The following COL6A6 variants were observed in gnomAD, a reference collection of about 807,000 sequenced individuals.
The protein encoded by COL6A6 is collagen alpha-6(VI) chain.
COL6A6 carries 183 observed loss-of-function variants against 208.6 expected under a neutral mutation model. That is an observed-to-expected ratio of 0.88 (90% CI 0.78 to 0.99). COL6A6 has a LOEUF of 0.99. Among genes scored for constraint, COL6A6 ranks in the 50% least tolerant of loss-of-function variants. The pLI, the probability that COL6A6 is intolerant of heterozygous loss-of-function variation, is 0.00. For synonymous variants in COL6A6, 973 were observed against 1,011.8 expected, an observed-to-expected ratio of 0.96 and a Z score of 0.73; for missense variants, 2,816 against 2,815.2, an observed-to-expected ratio of 1.00 and a Z score of -0.01.
Position 130,598,443 on chromosome 3 carries a change from G to T in COL6A6, c.4599+13G>T, listed in dbSNP as rs72994346. The T allele has an allele frequency of 5.9e-6, 9 of 1,536,760 alleles. No homozygotes were observed. Among genetic ancestry groups the T allele is most frequent in the Non-Finnish European group, 7.9e-6 (9 of 1,133,850 alleles). On this transcript the variant is annotated intron_variant, in intron 19 of 36. Coordinates refer to ENST00000358511, the MANE Select transcript of COL6A6 (RefSeq NM_001102608.3). ...ACGTGGAAGACAAGTAATTACGTGG[G>T]CTTGTAAAATCGTGATGCAACAACT...
chr3:130,600,680 CAG>C (rs1288096107), intron 20 of COL6A6, among the ~76,000 whole-genome samples: 4 of 151,984 alleles, frequency 2.6e-5, no homozygotes, highest in African/African-American at 4.8e-5. Context: ...CACATGGACA[CAG>C]GGGAACAACA....
intron 17 of COL6A6, among the ~76,000 whole-genome samples, chr3:130,593,831 G>A (rs1240434366): frequency 1.3e-5 from 2 of 152,112 alleles, no homozygotes; most frequent in African/African-American, 4.8e-5. Context: ...GTGGTGCCAG[G>A]CAGCACATTG....
intron 8 of COL6A6, among the ~76,000 whole-genome samples, chr3:130,580,818 C>T (rs2063400313): frequency 6.6e-6 from 1 of 152,172 alleles, no homozygotes; most frequent in African/African-American, 2.4e-5. Flanking sequence ...GAGCAAAGCA[C>T]TTTAATGCAA....
intron 28 of COL6A6, among the ~76,000 whole-genome samples, chr3:130,637,809 T>C (rs951433177): frequency 6.6e-6 from 1 of 152,210 alleles, no homozygotes. Context: ...TGTATGTTTG[T>C]ATGCATTTTG....
intron 36 of COL6A6, among the ~76,000 whole-genome samples, chr3:130,670,955 G>A (rs2066197463): frequency 6.6e-6 from 1 of 152,150 alleles, no homozygotes; most frequent in Admixed American, 6.5e-5. Context: ...GTCGCCCAGG[G>A]AAGTCAAGAG....
chr3:130,674,297 T>A (rs530574149), intron 36 of COL6A6, among the ~76,000 whole-genome samples: 1 of 152,336 alleles, frequency 6.6e-6, no homozygotes, highest in South Asian at 2.1e-4. Context: ...ATGTGGCTCA[T>A]GGCTGCCATA....
intron 25 of COL6A6, 27 bp from the exon 26 acceptor site, chr3:130,627,292 G>A (rs975147567): frequency 3.7e-5 from 60 of 1,606,786 alleles, no homozygotes; most frequent in Non-Finnish European, 4.6e-5. Context: ...AGTCTGGGAT[G>A]TTGGTAATCA....
At chr3:130,621,540 A>C (rs1389056010) in intron 23 of COL6A6, among the ~76,000 whole-genome samples, 1 of 152,242 alleles carries the variant, frequency 6.6e-6, no homozygotes, top group Non-Finnish European at 1.5e-5. Context: ...GCATTTTAAC[A>C]ACATCTGTTC....
chr3:130,662,005 T>C lies in COL6A6; in HGVS notation c.6199T>C (p.Trp2067Arg), dbSNP rs1223794250. The change falls in exon 35 of 37, where the codon TGG becomes CGG. Residue 2067 changes from tryptophan to arginine, a missense_variant. Trp to Arg is a moderately radical substitution (Grantham distance 101). Transcript: ENST00000358511. ...GDAFIGHALQ[W>R]TLDNVFLSTP... ...TGCTTTTATTGGTCATGCCTTACAG[T>C]GGACTCTGGACAATGTATTTTTAAG... 3 of 1,614,022 alleles carry C rather than the reference T, an allele frequency of 1.9e-6. No homozygotes were observed. The Admixed American group carries it at 5.0e-5, about 27-fold the overall frequency.
chr3:130,545,683 C>T (rs1035102236), intron 1 of COL6A6, among the ~76,000 whole-genome samples: 17 of 152,216 alleles, frequency 1.1e-4, no homozygotes, highest in Non-Finnish European at 1.9e-4. Context: ...TCTCAAACTC[C>T]TGACCTCAGG....
chr3:130,596,896 C>T (rs2063866866), intron 18 of COL6A6, among the ~76,000 whole-genome samples: 1 of 152,134 alleles, frequency 6.6e-6, no homozygotes, highest in Non-Finnish European at 1.5e-5. Context: ...TTCATTTTGA[C>T]AATATATTAT....
At chr3:130,634,242 T>TAAAAAAAAAAAAAAAAAAAA (rs202193097) in intron 26 of COL6A6, among the ~76,000 whole-genome samples, 15 of 23,778 alleles carry the variant, frequency 6.3e-4, no homozygotes, top group East Asian at 1.0e-3. Context: ...AATAAATAAA[T>TAAAAAAAAAAAAAAAAAAAA]AAAAAAAAAA....
intron 1 of COL6A6, among the ~76,000 whole-genome samples, chr3:130,537,330 T>C (rs1205709388): frequency 6.6e-6 from 1 of 152,184 alleles, no homozygotes; most frequent in Non-Finnish European, 1.5e-5. Flanking sequence ...GTTGAGACAA[T>C]TAAGTGTGGC....
In COL6A6 at chr3:130,565,134, G is replaced by T. The variant is rs1559996036; in HGVS notation, c.802G>T (p.Val268Phe). The T allele has an allele frequency of 1.2e-6, 2 of 1,613,872 alleles. No individual in the cohort carries two copies. The highest frequency in any genetic ancestry group is 1.1e-5 in the South Asian group (1 of 91,084). ...TGACATAAAGGAAAATTGCATGAGG[G>T]TTGGCCTTGTGGCCTATAGCAATGA... The part of the protein sequence containing the change: ...ALDIKENCMR[V>F]GLVAYSNETK... Residue 268 changes from valine to phenylalanine, a missense_variant, in exon 4 of 37, where the codon GTT (valine) becomes TTT (phenylalanine). Transcript: ENST00000358511.
intron 29 of COL6A6, among the ~76,000 whole-genome samples, chr3:130,642,243 A>ATGTGTGTGTGTGTGTGTG (rs3074299): frequency 1.4e-4 from 20 of 142,202 alleles, no homozygotes; most frequent in South Asian, 4.5e-4. Context: ...GACAGATTAT[A>ATGTGTGTGTGTGTGTGTG]TGTGTGTGTG....
chr3:130,599,711 C>G, intron 19 of COL6A6, 46 bp from the exon 20 acceptor site: 1 of 1,601,036 alleles, frequency 6.2e-7, no homozygotes, highest in South Asian at 1.1e-5. Context: ...GAAACTCTGT[C>G]AATGCTGCAT....
At chr3:130,590,422 A>G (rs1252790800) in intron 12 of COL6A6, among the ~76,000 whole-genome samples, 4 of 139,168 alleles carry the variant, frequency 2.9e-5, no homozygotes, top group Non-Finnish European at 6.2e-5. Flanking sequence ...TTAACTCGTC[A>G]TTTACATTAG....
intron 1 of COL6A6, among the ~76,000 whole-genome samples, chr3:130,521,539 T>G (rs1469783174): frequency 6.6e-6 from 1 of 152,254 alleles, no homozygotes; most frequent in East Asian, 1.9e-4. Flanking sequence ...CATTATACAC[T>G]GTAGCAGATT....
chr3:130,563,092 T>G lies in COL6A6; in HGVS notation c.89T>G (p.Phe30Cys). ...DSGPEYADVV[F>C]LVDSSDRLGS... ...GGCCCTGAGTATGCAGATGTTGTGT[T>G]TTTGGTGGACAGCTCTGATCGCCTG... Residue 30 changes from phenylalanine (F) to cysteine (C), a missense_variant, in exon 3 of 37, where the codon TTT becomes TGT. Transcript: ENST00000358511. The G allele has an allele frequency of 6.2e-7, 1 of 1,612,472 alleles. No individual in the cohort carries two copies. Among genetic ancestry groups the G allele is most frequent in the Non-Finnish European group, 8.5e-7 (1 of 1,178,956 alleles).
Sources: allele counts gnomAD v4.1 joint callset (sites outside exome capture counted in the v4.1 genomes callset), GRCh38; gene constraint gnomAD v4.1.1; transcripts MANE v1.5; gene names NCBI Gene and HGNC (gene_info 2026-07-23, HGNC 2026-07-21).